The following CEP85L variants were observed in gnomAD, a reference collection of about 807,000 sequenced individuals.
The protein encoded by CEP85L is centrosomal protein of 85 kDa-like.
Under a neutral mutation model 100.3 loss-of-function variants are expected in CEP85L, and 60 were observed. That is an observed-to-expected ratio of 0.60 (90% CI 0.49 to 0.74). The LOEUF (loss-of-function observed/expected upper bound fraction) is 0.74, where lower values mean the gene tolerates loss of function less well. Among genes scored for constraint, CEP85L ranks in the 30% least tolerant of loss-of-function variants. CEP85L has a pLI of 0.00. For missense variants in CEP85L, 973 were observed against 936.2 expected (o/e 1.04, Z -0.51); for synonymous variants, 319 against 322.7 (o/e 0.99, Z 0.12).
In CEP85L at chr6:118,651,435, G is replaced by A. The variant is rs1286270588; in HGVS notation, c.-166C>T. 2.2e-6 allele frequency: 3 copies of A among 1,335,998 alleles called. No homozygotes were observed. The highest frequency in any genetic ancestry group is 1.9e-6 in the Non-Finnish European group (2 of 1,047,398). 82.8% of individuals were successfully genotyped at this position (1,335,998 alleles called of 1,614,324 possible). ...TGCTCAGCTACGGGCGGGGAGCGCAGGGGCCAGATTCGCCGCACTGCCGGC... is the reference window on the plus strand; with the variant it reads ...TGCTCAGCTACGGGCGGGGAGCGCAAGGGCCAGATTCGCCGCACTGCCGGC... On this transcript the variant is annotated 5_prime_UTR_variant, in exon 1 of 13. Transcript: ENST00000368491.
intron 10 of CEP85L, among the ~76,000 whole-genome samples, chr6:118,479,313 G>A (rs1773610117): frequency 6.6e-6 from 1 of 152,022 alleles, no homozygotes. Context: ...ACATTTTTCA[G>A]CAAAAGATGA....
At chr6:118,650,496 G>A (rs549674540) in intron 1 of CEP85L, among the ~76,000 whole-genome samples, 32 of 152,312 alleles carry the variant, frequency 2.1e-4, no homozygotes, top group African/African-American at 7.5e-4. Context: ...CCTTGAAGGG[G>A]CCACGGAAAG....
At chr6:118,588,444 C>T (rs1402987861) in intron 2 of CEP85L, among the ~76,000 whole-genome samples, 2 of 152,238 alleles carry the variant, frequency 1.3e-5, no homozygotes, top group South Asian at 2.1e-4. Context: ...GATGTCCTTA[C>T]AGCTGAAGTG....
intron 1 of CEP85L, among the ~76,000 whole-genome samples, chr6:118,680,359 A>G (rs1776618215): frequency 6.7e-6 from 1 of 149,512 alleles, no homozygotes; most frequent in Non-Finnish European, 1.5e-5. Flanking sequence ...CTTATTAAAA[A>G]AAAAAATCTG....
intron 3 of CEP85L, among the ~76,000 whole-genome samples, chr6:118,541,865 A>G (rs1777916491): frequency 6.6e-6 from 1 of 152,220 alleles, no homozygotes; most frequent in Admixed American, 6.5e-5. Context: ...CCAAAAATGT[A>G]TAATTTTAGC....
At chr6:118,578,290 C>T (rs1234321024) in intron 2 of CEP85L, among the ~76,000 whole-genome samples, 1 of 152,208 alleles carries the variant, frequency 6.6e-6, no homozygotes, top group Non-Finnish European at 1.5e-5. Context: ...TAGCAACAGA[C>T]AGTCTCTCCC....
At chr6:118,688,119 G>A (rs1026813288) in intron 1 of CEP85L, among the ~76,000 whole-genome samples, 2 of 152,076 alleles carry the variant, frequency 1.3e-5, no homozygotes, top group Non-Finnish European at 2.9e-5. Context: ...CCACCATCTT[G>A]GGAGCTCTGT....
At chr6:118,513,063 G>A (rs1173344978) in intron 4 of CEP85L, among the ~76,000 whole-genome samples, 1 of 152,026 alleles carries the variant, frequency 6.6e-6, no homozygotes, top group East Asian at 1.9e-4. Context: ...ACTGAATGGT[G>A]ATTAAAACAT....
intron 6 of CEP85L, among the ~76,000 whole-genome samples, chr6:118,485,863 C>T (rs1774143884): frequency 6.6e-6 from 1 of 152,196 alleles, no homozygotes; most frequent in Admixed American, 6.5e-5. Flanking sequence ...ATAAACCAAC[C>T]TATGTTTACT....
At chr6:118,631,125 T>C (rs1053404665) in intron 2 of CEP85L, among the ~76,000 whole-genome samples, 25 of 152,238 alleles carry the variant, frequency 1.6e-4, no homozygotes, top group African/African-American at 5.3e-4. Flanking sequence ...ACTACACTAG[T>C]AGGAGATAAT....
chr6:118,621,696 T>C (rs1028611888), intron 2 of CEP85L, among the ~76,000 whole-genome samples: 1 of 152,212 alleles, frequency 6.6e-6, no homozygotes. Flanking sequence ...AAATTAAATA[T>C]CTAGGCTTAA....
chr6:118,569,509 AACAT>A (rs1189259979), intron 2 of CEP85L, among the ~76,000 whole-genome samples: 3 of 151,406 alleles, frequency 2.0e-5, no homozygotes, highest in African/African-American at 7.3e-5. Context: ...AAAAATAAAA[AACAT>A]ACAGCCTTTT....
At chr6:118,685,082 C>T (rs1006851629) in intron 1 of CEP85L, among the ~76,000 whole-genome samples, 1 of 152,150 alleles carries the variant, frequency 6.6e-6, no homozygotes, top group Non-Finnish European at 1.5e-5. Context: ...ATGTGAAAGG[C>T]AGATGAAGAA....
intron 2 of CEP85L, among the ~76,000 whole-genome samples, chr6:118,578,075 G>T (rs1354490342): frequency 6.6e-6 from 1 of 152,172 alleles, no homozygotes; most frequent in East Asian, 1.9e-4. Flanking sequence ...TCAAGAGAGG[G>T]AAACTGTTAA....
chr6:118,496,521 ATTTTTGTAC>A (rs930991528), intron 5 of CEP85L, among the ~76,000 whole-genome samples: 3 of 151,922 alleles, frequency 2.0e-5, no homozygotes, highest in Non-Finnish European at 4.4e-5. Context: ...AGCCCGGCTA[ATTTTTGTAC>A]TTTTAGTGGA....
intron 3 of CEP85L, among the ~76,000 whole-genome samples, chr6:118,549,433 C>A (rs1583025280): frequency 6.6e-6 from 1 of 151,706 alleles, no homozygotes; most frequent in African/African-American, 2.4e-5. Context: ...TCAGGGCATA[C>A]AGAAAATTAC....
chr6:118,677,555 T>C (rs966856446), intron 1 of CEP85L, among the ~76,000 whole-genome samples: 1 of 152,218 alleles, frequency 6.6e-6, no homozygotes, highest in Non-Finnish European at 1.5e-5. Flanking sequence ...ATCTCTAGCA[T>C]TGACCTTCAT....
intron 2 of CEP85L, among the ~76,000 whole-genome samples, chr6:118,578,224 A>G (rs903643924): frequency 2.0e-5 from 3 of 152,138 alleles, no homozygotes; most frequent in African/African-American, 4.8e-5. Flanking sequence ...TCTCTGTCAC[A>G]CCCAGACATG....
intron 2 of CEP85L, among the ~76,000 whole-genome samples, chr6:118,581,280 ATT>A (rs1221853281): frequency 6.6e-6 from 1 of 152,082 alleles, no homozygotes; most frequent in African/African-American, 2.4e-5. Flanking sequence ...TAGTAAGGGG[ATT>A]TTAAGTCTGG....
Sources: allele counts gnomAD v4.1 joint callset (sites outside exome capture counted in the v4.1 genomes callset), GRCh38; gene constraint gnomAD v4.1.1; transcripts MANE v1.5; gene names NCBI Gene and HGNC (gene_info 2026-07-23, HGNC 2026-07-21).